Variants in RAB27B observed in about 807,000 individuals in gnomAD.
The protein encoded by RAB27B is RAB27B, member RAS oncogene family, also known as ras-related protein Rab-27B.
A neutral mutation model predicts 24.6 loss-of-function variants in RAB27B; 15 were observed. The observed-to-expected ratio is 0.61, with a 90% CI of 0.41 to 0.94. The LOEUF (loss-of-function observed/expected upper bound fraction) is 0.94, where lower values mean the gene tolerates loss of function less well. Among genes scored for constraint, RAB27B ranks in the 40% least tolerant of loss-of-function variants. The pLI is 0.00. For missense variants in RAB27B, 261 were observed against 266.8 expected (o/e 0.98, Z 0.15); for synonymous variants, 105 against 92.5 (o/e 1.14, Z -0.78).
At chr18:54,742,735 A>G (rs1174383657) in intron 2 of RAB27B, among the ~76,000 whole-genome samples, 1 of 152,180 alleles carries the variant, frequency 6.6e-6, no homozygotes, top group Non-Finnish European at 1.5e-5. Context: ...CCTGGAGTCT[A>G]ACCACAAGGA....
At chr18:54,756,388 A>G (rs575883847) in intron 2 of RAB27B, among the ~76,000 whole-genome samples, 124 of 152,300 alleles carry the variant, frequency 8.1e-4, no homozygotes, top group Non-Finnish European at 1.4e-3. Flanking sequence ...CATTATTTAA[A>G]GAGCTCAACA....
intron 2 of RAB27B, among the ~76,000 whole-genome samples, chr18:54,804,599 C>T (rs533860635): frequency 1.1e-4 from 16 of 152,230 alleles, no homozygotes; most frequent in South Asian, 8.3e-4. Context: ...TAATCTCCAA[C>T]GGTGTCAAGA....
chr18:54,884,205 A>G, intron 3 of RAB27B, 128 bp from the exon 4 acceptor site: 1 of 573,044 alleles, frequency 1.7e-6, no homozygotes, highest in East Asian at 2.9e-5. Flanking sequence ...CCACATTCCC[A>G]TTTCCCTAAG....
intron 2 of RAB27B, among the ~76,000 whole-genome samples, chr18:54,780,775 A>C (rs1446109976): frequency 2.0e-5 from 3 of 152,122 alleles, no homozygotes; most frequent in Non-Finnish European, 4.4e-5. Context: ...ATCAGAAACT[A>C]TGGAGAAGGT....
intron 2 of RAB27B, among the ~76,000 whole-genome samples, chr18:54,791,399 C>T (rs988432204): frequency 6.6e-6 from 1 of 152,124 alleles, no homozygotes; most frequent in African/African-American, 2.4e-5. Flanking sequence ...CATAGTGAGA[C>T]CCCCTCTCTA....
At position 54,894,034 on chromosome 18, in the gene RAB27B, T is replaced by G. The variant is rs1451503047; in HGVS notation, c.*4621T>G. 1.3e-5 allele frequency: 2 copies of G among 152,082 alleles called. No individual in the cohort carries two copies. Among genetic ancestry groups the G allele is most frequent in the African/African-American group, 2.4e-5 (1 of 41,526 alleles). 9.4% of individuals were successfully genotyped at this position (152,082 alleles called of 1,614,324 possible). A position where few individuals can be genotyped will look rare whatever the true frequency, so the allele number is the denominator to read the frequency against. On this transcript the variant is annotated 3_prime_UTR_variant, in exon 6 of 6. Transcript: ENST00000262094. ...TGTGATACACTTAGAGACATTTTGT[T>G]TATTGCATATAAATCTAATTTTTCC...
intron 1 of RAB27B, among the ~76,000 whole-genome samples, chr18:54,839,866 G>A (rs1911040713): frequency 6.6e-6 from 1 of 152,162 alleles, no homozygotes; most frequent in Admixed American, 6.5e-5. Flanking sequence ...ATTTATTCCA[G>A]TGATGTTTCC....
chr18:54,867,039 T>C (rs961737426), intron 1 of RAB27B, among the ~76,000 whole-genome samples: 1 of 152,092 alleles, frequency 6.6e-6, no homozygotes, highest in African/African-American at 2.4e-5. Flanking sequence ...AAGGAGTAGG[T>C]TGTGGGTCAC....
intron 2 of RAB27B, among the ~76,000 whole-genome samples, chr18:54,738,787 A>G (rs1320664434): frequency 8.5e-5 from 13 of 152,174 alleles, no homozygotes; most frequent in African/African-American, 3.1e-4. Flanking sequence ...ACTTACTTGA[A>G]TGTTTTTCAT....
intron 2 of RAB27B, among the ~76,000 whole-genome samples, chr18:54,793,303 A>G (rs943599849): frequency 1.3e-5 from 2 of 152,214 alleles, no homozygotes; most frequent in Non-Finnish European, 2.9e-5. Context: ...CAACTCCAGT[A>G]CTAGCAAACC....
At position 54,788,937 on chromosome 18, in the gene RAB27B, T is replaced by C. The variant is rs142780035; in HGVS notation, c.-20+70796T>C. Among the ~76,000 whole-genome samples, 469 of 152,340 alleles carry C rather than the reference T, an allele frequency of 3.1e-3. 4 individuals carry two copies. Among genetic ancestry groups the C allele is most frequent in the African/African-American group, 0.01 (436 of 41,572 alleles). ...AGTGGTCACTTGGATGAAGAATATGTGTGATTTTCAGTGTTTAAGAGGTCA... is the reference window on the plus strand; with the variant it reads ...AGTGGTCACTTGGATGAAGAATATGCGTGATTTTCAGTGTTTAAGAGGTCA... On this transcript the variant is annotated intron_variant, in intron 2 of 4. Transcript: ENST00000586570.
chr18:54,841,121 T>C (rs1911090542), intron 1 of RAB27B, among the ~76,000 whole-genome samples: 1 of 118,028 alleles, frequency 8.5e-6, no homozygotes, highest in African/African-American at 3.2e-5. Flanking sequence ...ACTCCAGCTC[T>C]GGGTAACAGA....
chr18:54,730,479 T>A lies in RAB27B; in HGVS notation c.-20+12338T>A, dbSNP rs531691945. The stretch of plus-strand genomic sequence containing the variant: ...GCTGCATTTACTTCTTTTTTATTTT[T>A]TAATTACCTATATGATATGGTTTGG... On this transcript the variant is annotated intron_variant, in intron 2 of 4. Coordinates refer to the RAB27B transcript ENST00000586570. 3.9e-5 allele frequency among the ~76,000 whole-genome samples: 6 copies of A among 152,246 alleles called. No homozygotes were observed. In the East Asian group the frequency reaches 1.2e-3, roughly 29 times the overall value.
chr18:54,835,859 T>C (rs953046376), intron 1 of RAB27B, among the ~76,000 whole-genome samples: 2 of 152,006 alleles, frequency 1.3e-5, no homozygotes, highest in East Asian at 3.8e-4. Context: ...CTGTATTTTA[T>C]TTTTTCACTT....
intron 1 of RAB27B, among the ~76,000 whole-genome samples, chr18:54,873,231 ACTCTT>A (rs1375573661): frequency 6.6e-6 from 1 of 151,892 alleles, no homozygotes; most frequent in Non-Finnish European, 1.5e-5. Flanking sequence ...TACCTTTACG[ACTCTT>A]CATTAAACAG....
At chr18:54,866,271 G>A (rs1465714521) in intron 1 of RAB27B, among the ~76,000 whole-genome samples, 1 of 86,550 alleles carries the variant, frequency 1.2e-5, no homozygotes, top group East Asian at 3.2e-4. Flanking sequence ...TCTCCTCCCC[G>A]CCTCCCCGCC....
At chr18:54,818,179 A>G (rs1420183596) in intron 2 of RAB27B, among the ~76,000 whole-genome samples, 1 of 152,222 alleles carries the variant, frequency 6.6e-6, no homozygotes, top group Non-Finnish European at 1.5e-5. Flanking sequence ...AATTTTAGGC[A>G]GCAGACATTC....
chr18:54,719,431 G>A (rs1909290425), intron 2 of RAB27B, among the ~76,000 whole-genome samples: 1 of 151,726 alleles, frequency 6.6e-6, no homozygotes, highest in Non-Finnish European at 1.5e-5. Context: ...TTACTATATA[G>A]GTATGCTACC....
intron 2 of RAB27B, among the ~76,000 whole-genome samples, chr18:54,752,234 A>G (rs1907856390): frequency 6.6e-6 from 1 of 152,204 alleles, no homozygotes; most frequent in South Asian, 2.1e-4. Flanking sequence ...ACTAACTGTC[A>G]CATTAAGCCA....
Sources: gnomAD v4.1 joint callset for allele counts (sites outside exome capture counted in the v4.1 genomes callset) on GRCh38, gnomAD v4.1.1 for gene constraint, MANE v1.5 for transcripts, NCBI Gene and HGNC (gene_info 2026-07-23, HGNC 2026-07-21) for gene names.